NUP50: variants seen among roughly 807,000 people sequenced by gnomAD.
NUP50 encodes the protein nuclear pore complex protein Nup50.
In NUP50, 14 loss-of-function variants were observed where a neutral mutation model predicts 36.8. That is an observed-to-expected ratio of 0.38 (90% confidence interval 0.25 to 0.59). The LOEUF (loss-of-function observed/expected upper bound fraction) is 0.59. Among genes scored for constraint, NUP50 ranks in the 20% least tolerant of loss-of-function variants. The pLI, the probability that NUP50 is intolerant of heterozygous loss-of-function variation, is 0.63. For synonymous variants in NUP50, 195 were observed against 210.8 expected, an observed-to-expected ratio of 0.93 and a Z score of 0.65; for missense variants, 455 against 564.6, an observed-to-expected ratio of 0.81 and a Z score of 1.97.
rs531878985 is a variant in NUP50 at position 45,169,977 on chromosome 22, C to G, written c.70-1623C>G. ...GTAGTCCTGGTTCCTCTTTGAAGTT[C>G]TTAGTAGATAGCAGTAGAAGAAATA... On this transcript the variant is annotated intron_variant, in intron 2 of 7. Transcript: ENST00000347635. 2.6e-5 allele frequency among the ~76,000 whole-genome samples: 4 copies of G among 152,336 alleles called. No individual in the cohort carries two copies. The South Asian group carries it at 8.3e-4, about 32-fold the overall frequency.
At chr22:45,172,286 T>G (rs1413276429) in intron 3 of NUP50, 3 of 151,160 alleles carry the variant, frequency 2.0e-5, no homozygotes, top group African/African-American at 7.3e-5. Flanking sequence ...CATCTGGTGT[T>G]AGGCAGGAGA....
chr22:45,172,124 C>G (rs565749991), intron 3 of NUP50: 3 of 159,028 alleles, frequency 1.9e-5, no homozygotes, highest in African/African-American at 7.2e-5. Context: ...CATTCCTGTG[C>G]TAAGAAGGAT....
intron 5 of NUP50, among the ~76,000 whole-genome samples, chr22:45,179,759 G>A (rs2074336650): frequency 1.3e-5 from 2 of 152,220 alleles, no homozygotes; most frequent in Admixed American, 6.5e-5. Context: ...GGTGGTGGGC[G>A]CCTGTAGTCA....
chr22:45,181,690 C>T (rs1366368370), intron 6 of NUP50, among the ~76,000 whole-genome samples: 1 of 152,148 alleles, frequency 6.6e-6, no homozygotes, highest in East Asian at 1.9e-4. Flanking sequence ...CTTTCTCCCT[C>T]CCCTTCCTCC....
chr22:45,167,050 C>T (rs2093260374), intron 1 of NUP50, among the ~76,000 whole-genome samples: 1 of 152,102 alleles, frequency 6.6e-6, no homozygotes, highest in Non-Finnish European at 1.5e-5. Context: ...AGTGATATGT[C>T]ACCTCATATC....
In NUP50 at chr22:45,181,381, C is replaced by T; in HGVS notation, c.1085+14C>T. On this transcript the variant is annotated intron_variant, in intron 6 of 7. Transcript: ENST00000347635. ...TTACTCCAAAAAGTAAGAATCCCCA[C>T]AACCTGCTGGCGCATGTGTTTTGCA... 1.3e-6 allele frequency: 2 copies of T among 1,552,074 alleles called. No individual in the cohort carries two copies. The highest frequency in any genetic ancestry group is 1.7e-6 in the Non-Finnish European group (2 of 1,145,770).
chr22:45,169,927 C>T (rs1345634506), intron 2 of NUP50, among the ~76,000 whole-genome samples: 1 of 152,238 alleles, frequency 6.6e-6, no homozygotes, highest in African/African-American at 2.4e-5. Flanking sequence ...TGGTCACACT[C>T]CTTGTCCACA....
intron 2 of NUP50, among the ~76,000 whole-genome samples, chr22:45,168,736 C>T (rs1287867343): frequency 6.6e-6 from 1 of 151,944 alleles, no homozygotes; most frequent in Non-Finnish European, 1.5e-5. Flanking sequence ...TAATGGTAGA[C>T]CTGAGACCCC....
At chr22:45,182,931 T>C (rs1201313967) in intron 6 of NUP50, among the ~76,000 whole-genome samples, 1 of 151,630 alleles carries the variant, frequency 6.6e-6, no homozygotes, top group African/African-American at 2.4e-5. Context: ...TCGAGGAGAA[T>C]TTTTAAAATA....
At chr22:45,184,137 T>G (rs1366783949) in intron 7 of NUP50, 1 of 345,988 alleles carries the variant, frequency 2.9e-6, no homozygotes, top group Non-Finnish European at 5.3e-6. Context: ...CACCGTGTTC[T>G]TCCTTCAGTG....
At chr22:45,168,482 A>G (rs1051176370) in intron 2 of NUP50, among the ~76,000 whole-genome samples, 1 of 152,232 alleles carries the variant, frequency 6.6e-6, no homozygotes, top group Non-Finnish European at 1.5e-5. Context: ...CTTTTCCACT[A>G]GTGCCTGCTC....
At chr22:45,171,726 AT>A in intron 3 of NUP50, 43 bp downstream of exon 3, 1 of 1,523,546 alleles carries the variant, frequency 6.6e-7, no homozygotes, top group Admixed American at 1.7e-5. Flanking sequence ...TACTCATTTG[AT>A]TTCTGGGTTG....
At position 45,172,025 on chromosome 22, in the gene NUP50, G is replaced by A. The variant is rs907337833; in HGVS notation, c.153+342G>A. The A allele has an allele frequency of 5.0e-5, 11 of 221,846 alleles. No individual in the cohort carries two copies. The East Asian group carries it at 9.5e-4, about 19-fold the overall frequency. 13.7% of individuals were successfully genotyped at this position (221,846 alleles called of 1,614,324 possible). On this transcript the variant is annotated intron_variant, in intron 3 of 7. Transcript: ENST00000347635. ...TCTGAGAGTCTTGTCTGCTCCCTGCGATTGAGGCCTTGGTAGGGGGAGCCC... is the reference window on the plus strand; with the variant it reads ...TCTGAGAGTCTTGTCTGCTCCCTGCAATTGAGGCCTTGGTAGGGGGAGCCC...
At chr22:45,181,810 T>C (rs747927537) in intron 6 of NUP50, among the ~76,000 whole-genome samples, 22 of 152,224 alleles carry the variant, frequency 1.4e-4, no homozygotes, top group Admixed American at 1.2e-3. Flanking sequence ...TTTCTCATAG[T>C]CAAAAAGTTA....
In NUP50 at chr22:45,184,386, A is replaced by G. The variant is rs577592319; in HGVS notation, c.1205-67A>G. On this transcript the variant is annotated intron_variant, in intron 7 of 7. Transcript: ENST00000347635. Reference sequence around the variant, plus strand: ...TATTTCAGCATTTAATGTTTAGCATATTACAGACTCCTTTGGTGGAGCTAT... The same window carrying G: ...TATTTCAGCATTTAATGTTTAGCATGTTACAGACTCCTTTGGTGGAGCTAT... The G allele has an allele frequency of 5.7e-6, 8 of 1,392,760 alleles. No homozygotes were observed. In the East Asian group the frequency reaches 1.4e-4, roughly 24 times the overall value. The allele number at this position is 1,392,760 out of a possible 1,614,324, so 86.3% of individuals were successfully genotyped here. A position where few individuals can be genotyped will look rare whatever the true frequency, so the allele number is the denominator to read the frequency against.
chr22:45,171,330 G>A (rs543821236), intron 2 of NUP50, among the ~76,000 whole-genome samples: 1 of 152,300 alleles, frequency 6.6e-6, no homozygotes, highest in East Asian at 1.9e-4. Flanking sequence ...CTCCCAGGTG[G>A]CTGGGATTAC....
At chr22:45,176,165 CTG>C in intron 4 of NUP50, 85 bp downstream of exon 4, 1 of 1,428,970 alleles carries the variant, frequency 7.0e-7, no homozygotes, top group Non-Finnish European at 9.5e-7. Flanking sequence ...TATAGCTACC[CTG>C]TGTCTTGGAA....
At chr22:45,173,009 A>G (rs531893002) in intron 3 of NUP50, among the ~76,000 whole-genome samples, 6 of 152,166 alleles carry the variant, frequency 3.9e-5, no homozygotes, top group Admixed American at 2.0e-4. Context: ...GGCTAATGTC[A>G]TAAGTGTGTG....
rs1040770723 is a variant in NUP50 at position 45,185,821 on chromosome 22, T to C, written c.*1166T>C. 2.0e-5 allele frequency: 3 copies of C among 151,594 alleles called. No homozygotes were observed. Among genetic ancestry groups the C allele is most frequent in the Admixed American group, 6.6e-5 (1 of 15,216 alleles). 9.4% of individuals were successfully genotyped at this position (151,594 alleles called of 1,614,324 possible). ...TAACACGAGCATTCTTTGAAGACTC[T>C]GGGCACATGAATGATACACAGAATT... On this transcript the variant is annotated 3_prime_UTR_variant, in exon 8 of 8. Transcript: ENST00000347635.
Sources: allele counts gnomAD v4.1 joint callset (sites outside exome capture counted in the v4.1 genomes callset), GRCh38; gene constraint gnomAD v4.1.1; transcripts MANE v1.5; gene names NCBI Gene and HGNC (gene_info 2026-07-23, HGNC 2026-07-21).